Variants in TRAPPC9 observed in about 807,000 individuals in gnomAD.
TRAPPC9 encodes IKK2 binding protein.
Under a neutral mutation model 124.0 loss-of-function variants are expected in TRAPPC9, and 83 were observed. That is an observed-to-expected ratio of 0.67 (90% confidence interval 0.56 to 0.80). The LOEUF is 0.80. TRAPPC9 is among the 30% of genes least tolerant of loss of function. The pLI is 0.00. For missense variants in TRAPPC9, 1,302 were observed against 1,508.3 expected (o/e 0.86, Z 2.27); for synonymous variants, 638 against 617.5 (o/e 1.03, Z -0.49).
chr8:140,150,612 G>A (rs1342640966), intron 17 of TRAPPC9, among the ~76,000 whole-genome samples: 5 of 152,204 alleles, frequency 3.3e-5, no homozygotes, highest in African/African-American at 1.2e-4. Context: ...GGCAGGAGCT[G>A]GAACCAGAGA....
At chr8:140,233,140 C>G (rs2063642039) in intron 16 of TRAPPC9, among the ~76,000 whole-genome samples, 1 of 152,152 alleles carries the variant, frequency 6.6e-6, no homozygotes, top group Non-Finnish European at 1.5e-5. Context: ...AAGGCTCACC[C>G]CATCATCCCT....
chr8:140,399,337 T>G (rs560352551), intron 6 of TRAPPC9, among the ~76,000 whole-genome samples: 4 of 152,320 alleles, frequency 2.6e-5, no homozygotes, highest in Non-Finnish European at 2.9e-5. Flanking sequence ...GCAGATCCAC[T>G]GACAGCTTGC....
At chr8:140,212,137 G>A (rs2063076171) in intron 17 of TRAPPC9, among the ~76,000 whole-genome samples, 1 of 152,212 alleles carries the variant, frequency 6.6e-6, no homozygotes, top group African/African-American at 2.4e-5. Flanking sequence ...AAGAAGACAC[G>A]CCTCATCCAG....
chr8:140,424,548 A>G, intron 5 of TRAPPC9, among the ~76,000 whole-genome samples: 1 of 151,172 alleles, frequency 6.6e-6, no homozygotes, highest in East Asian at 2.0e-4. Flanking sequence ...AGGTGGCAGA[A>G]TTGCCTGGAG....
chr8:140,250,123 A>G (rs947105502), intron 16 of TRAPPC9, among the ~76,000 whole-genome samples: 1 of 152,198 alleles, frequency 6.6e-6, no homozygotes, highest in African/African-American at 2.4e-5. Context: ...CAGCTCTTCA[A>G]TCTCCTTTAA....
intron 4 of TRAPPC9, among the ~76,000 whole-genome samples, chr8:140,434,903 G>A (rs940687510): frequency 4.7e-4 from 72 of 152,034 alleles, no homozygotes; most frequent in African/African-American, 1.7e-3. Flanking sequence ...CTGGGAGGTG[G>A]AGGCTGTGGT....
At chr8:140,093,667 TAAAAA>T (rs35712232) in intron 17 of TRAPPC9, among the ~76,000 whole-genome samples, 5 of 137,716 alleles carry the variant, frequency 3.6e-5, no homozygotes, top group South Asian at 4.8e-4. Flanking sequence ...GACTTCGTCT[TAAAAA>T]AAAAAAAAAA....
intron 20 of TRAPPC9, among the ~76,000 whole-genome samples, 166 bp from the exon 21 acceptor site, chr8:139,886,135 T>C (rs527766542): frequency 6.6e-6 from 1 of 152,350 alleles, no homozygotes; most frequent in South Asian, 2.1e-4. Context: ...CCTGGGTATG[T>C]GGACATCAGG....
chr8:140,173,469 G>A (rs1422865723), intron 17 of TRAPPC9, among the ~76,000 whole-genome samples: 2 of 151,438 alleles, frequency 1.3e-5, no homozygotes, highest in South Asian at 4.2e-4. Context: ...CAGGAGAATG[G>A]CGTGAACCCA....
chr8:140,251,304 T>C (rs946958566), intron 16 of TRAPPC9, among the ~76,000 whole-genome samples: 3 of 152,190 alleles, frequency 2.0e-5, no homozygotes, highest in Non-Finnish European at 2.9e-5. Context: ...TCAGAACCTA[T>C]GTAACCCTCT....
At chr8:139,918,514 A>G (rs757291307) in intron 19 of TRAPPC9, among the ~76,000 whole-genome samples, 3 of 152,246 alleles carry the variant, frequency 2.0e-5, no homozygotes, top group East Asian at 1.9e-4. Flanking sequence ...GAGCGTGAGC[A>G]AACCGGCCAG....
chr8:140,139,929 G>A (rs926480429), intron 17 of TRAPPC9, among the ~76,000 whole-genome samples: 10 of 152,080 alleles, frequency 6.6e-5, no homozygotes, highest in Non-Finnish European at 1.2e-4. Flanking sequence ...ATTTTTCTGA[G>A]TTTATGCTTT....
chr8:140,129,215 T>C (rs1308665678), intron 17 of TRAPPC9, among the ~76,000 whole-genome samples: 1 of 152,068 alleles, frequency 6.6e-6, no homozygotes, highest in Non-Finnish European at 1.5e-5. Context: ...CTGAGGTTCC[T>C]GGGTGAGGCA....
chr8:140,166,614 A>G (rs1385381865), intron 17 of TRAPPC9, among the ~76,000 whole-genome samples: 2 of 152,210 alleles, frequency 1.3e-5, no homozygotes, highest in Non-Finnish European at 2.9e-5. Context: ...GTCTGGCAAC[A>G]TGTGTGAGAA....
intron 21 of TRAPPC9, among the ~76,000 whole-genome samples, chr8:139,851,514 T>C (rs1409215078): frequency 6.6e-6 from 1 of 152,064 alleles, no homozygotes; most frequent in Non-Finnish European, 1.5e-5. Flanking sequence ...TGGTACCTAT[T>C]TCAAACGGGG....
At chr8:140,283,293 C>CTT (rs1432012599) in intron 14 of TRAPPC9, among the ~76,000 whole-genome samples, 2 of 90,188 alleles carry the variant, frequency 2.2e-5, no homozygotes, top group African/African-American at 5.7e-5. Context: ...AATTAAAATT[C>CTT]CTTTTTTTTT....
At chr8:140,044,117 G>A (rs72685257) in intron 17 of TRAPPC9, among the ~76,000 whole-genome samples, 1,671 of 152,248 alleles carry the variant, frequency 0.011, 19 homozygotes, top group Middle Eastern at 0.027. Context: ...AAGGTAGACG[G>A]TCAAGCCAAG....
chr8:140,304,581 C>A (rs1488332381), intron 10 of TRAPPC9, among the ~76,000 whole-genome samples: 1 of 152,138 alleles, frequency 6.6e-6, no homozygotes, highest in Non-Finnish European at 1.5e-5. Context: ...AAGAGGGGGA[C>A]AACCCTACAT....
intron 19 of TRAPPC9, chr8:139,932,625 G>A (rs975167633): frequency 6.2e-5 from 26 of 419,838 alleles, no homozygotes; most frequent in Middle Eastern, 7.7e-4. Flanking sequence ...TTAGCCAGGT[G>A]TGTTGGCACA....
Sources: gnomAD v4.1 joint callset for allele counts (sites outside exome capture counted in the v4.1 genomes callset) on GRCh38, gnomAD v4.1.1 for gene constraint, MANE v1.5 for transcripts, NCBI Gene and HGNC (gene_info 2026-07-23, HGNC 2026-07-21) for gene names.